KIF6: variants seen among roughly 807,000 people sequenced by gnomAD.
The protein encoded by KIF6 is kinesin-like protein KIF6.
A neutral mutation model predicts 112.7 loss-of-function variants in KIF6; 106 were observed. That is an observed-to-expected ratio of 0.94 (90% CI 0.80 to 1.11). KIF6 has a LOEUF of 1.11. KIF6 is among the 50% of genes least tolerant of loss of function. The pLI is 0.00. For synonymous variants in KIF6, 339 were observed against 339.9 expected (o/e 1.00, Z 0.03); for missense variants, 929 against 964.0 (o/e 0.96, Z 0.48).
intron 3 of KIF6, among the ~76,000 whole-genome samples, chr6:39,652,127 T>C (rs1455217366): frequency 1.3e-5 from 2 of 152,138 alleles, no homozygotes; most frequent in East Asian, 1.9e-4. Context: ...AAGGGAATAG[T>C]GTTCACAAAA....
At position 39,547,239 on chromosome 6, in the gene KIF6, G is replaced by T. The variant is rs180854952; in HGVS notation, c.1182-1551C>A. Among the ~76,000 whole-genome samples, 17 of 152,204 alleles carry T rather than the reference G, an allele frequency of 1.1e-4. No homozygotes were observed. The East Asian group carries it at 2.9e-3, about 26-fold the overall frequency. On this transcript the variant is annotated intron_variant, in intron 10 of 22. Coordinates refer to ENST00000287152, the MANE Select transcript of KIF6 (RefSeq NM_145027.6). ...TGATTTCTATCATAGAACAGCCTTG[G>T]ATTTCATTTGTACCTCTTGTAATTT...
chr6:39,488,411 G>A (rs907282858), intron 13 of KIF6, among the ~76,000 whole-genome samples: 2 of 152,182 alleles, frequency 1.3e-5, no homozygotes, highest in Admixed American at 1.3e-4. Flanking sequence ...TGGACTTGCT[G>A]TTTCTGCTTT....
intron 16 of KIF6, among the ~76,000 whole-genome samples, chr6:39,384,479 C>G (rs1009943221): frequency 6.6e-6 from 1 of 152,236 alleles, no homozygotes; most frequent in Admixed American, 6.5e-5. Flanking sequence ...TACCTGACCC[C>G]AGTCCCAGGG....
At chr6:39,526,523 A>G (rs1777737411) in intron 13 of KIF6, among the ~76,000 whole-genome samples, 1 of 152,192 alleles carries the variant, frequency 6.6e-6, no homozygotes, top group Admixed American at 6.5e-5. Flanking sequence ...CACAAAGACT[A>G]CTAGACAAAA....
intron 10 of KIF6, among the ~76,000 whole-genome samples, chr6:39,547,016 C>T (rs1779105402): frequency 6.6e-6 from 1 of 152,100 alleles, no homozygotes; most frequent in South Asian, 2.1e-4. Context: ...TGGTTCCCCT[C>T]TAGGTTGAGA....
chr6:39,635,759 A>G (rs2150760395), intron 4 of KIF6, among the ~76,000 whole-genome samples: 1 of 152,234 alleles, frequency 6.6e-6, no homozygotes, highest in Non-Finnish European at 1.5e-5. Context: ...GGAATAAAAT[A>G]AGGAATTTTT....
intron 15 of KIF6, among the ~76,000 whole-genome samples, chr6:39,389,433 T>TA (rs1767687372): frequency 6.6e-6 from 1 of 152,138 alleles, no homozygotes; most frequent in East Asian, 1.9e-4. Flanking sequence ...TACTTATCTC[T>TA]CATCTACTAT....
chr6:39,704,206 A>G (rs1485564469), intron 3 of KIF6, among the ~76,000 whole-genome samples: 1 of 152,228 alleles, frequency 6.6e-6, no homozygotes, highest in Non-Finnish European at 1.5e-5. Flanking sequence ...TTGAGCATGC[A>G]CTATGTACTT....
At chr6:39,725,116 C>A (rs1360356956) in intron 1 of KIF6, 129 bp downstream of exon 1, 6 of 654,026 alleles carry the variant, frequency 9.2e-6, no homozygotes, top group South Asian at 2.1e-5. Context: ...TCAGTGTGTG[C>A]GGGATTCCGG....
chr6:39,374,201 C>T (rs1004338118), intron 16 of KIF6, among the ~76,000 whole-genome samples: 43 of 152,240 alleles, frequency 2.8e-4, no homozygotes, highest in African/African-American at 1.0e-3. Context: ...GGATCCCTAT[C>T]TCAAACCATA....
rs548650882 is a variant in KIF6 at position 39,444,071 on chromosome 6, T to C, written c.1646-12910A>G. Among the ~76,000 whole-genome samples, 437 of 152,326 alleles carry C rather than the reference T, an allele frequency of 2.9e-3. 1 individual carries two copies. The highest frequency in any genetic ancestry group is 4.2e-3 in the Non-Finnish European group (284 of 68,040). On this transcript the variant is annotated intron_variant, in intron 13 of 22. Transcript: ENST00000287152. ...CTTTGCATATACTAGAGGCATTACATATGTTCTTATTTAATTCTTACAATA... is the reference window on the plus strand; with the variant it reads ...CTTTGCATATACTAGAGGCATTACACATGTTCTTATTTAATTCTTACAATA...
chr6:39,342,145 C>T lies in KIF6; in HGVS notation c.2428+1564G>A, dbSNP rs562022546. Among the ~76,000 whole-genome samples, 19 of 152,348 alleles carry T rather than the reference C, an allele frequency of 1.2e-4. No homozygotes were observed. Among genetic ancestry groups the T allele is most frequent in the East Asian group, 1.2e-3 (6 of 5,182 alleles). The stretch of plus-strand genomic sequence containing the variant: ...AGCAAAGCTTCCCCTTCAGGCTTCT[C>T]GCTTTCCGCTCTGTCTGCTAGGACT... On this transcript the variant is annotated intron_variant, in intron 22 of 22. Transcript: ENST00000287152. This position sits in a 1 kb window ranked among gnomAD's most constrained non-coding sequence, Gnocchi z 4.7.
chr6:39,636,326 C>G (rs1330112575), intron 4 of KIF6, among the ~76,000 whole-genome samples: 1 of 152,012 alleles, frequency 6.6e-6, no homozygotes, highest in Non-Finnish European at 1.5e-5. Flanking sequence ...TAAAAACACT[C>G]AAGCTACAGC....
At chr6:39,422,819 A>G (rs1413111987) in intron 14 of KIF6, among the ~76,000 whole-genome samples, 1 of 151,786 alleles carries the variant, frequency 6.6e-6, no homozygotes, top group East Asian at 1.9e-4. Flanking sequence ...GCTCACCTAA[A>G]CTTCACCAGG....
chr6:39,347,519 C>T (rs1048627480), intron 19 of KIF6, among the ~76,000 whole-genome samples: 4 of 152,230 alleles, frequency 2.6e-5, no homozygotes, highest in Admixed American at 6.5e-5. Flanking sequence ...ATTCCACATG[C>T]CTGTGGTTAC....
At chr6:39,522,471 A>T (rs2150527549) in intron 13 of KIF6, among the ~76,000 whole-genome samples, 1 of 151,898 alleles carries the variant, frequency 6.6e-6, no homozygotes, top group Non-Finnish European at 1.5e-5. Context: ...CCATTTAACA[A>T]CTCTAGCCTC....
At chr6:39,455,812 T>A (rs1349259346) in intron 13 of KIF6, among the ~76,000 whole-genome samples, 7 of 148,202 alleles carry the variant, frequency 4.7e-5, no homozygotes, top group Non-Finnish European at 8.9e-5. Flanking sequence ...AGAAGGGAAG[T>A]TTAGAGAAAA....
At chr6:39,456,588 G>C (rs1365075431) in intron 13 of KIF6, among the ~76,000 whole-genome samples, 1 of 122,958 alleles carries the variant, frequency 8.1e-6, no homozygotes, top group South Asian at 2.9e-4. Context: ...GTTGGATAAA[G>C]AGTCAAGACC....
intron 9 of KIF6, 84 bp downstream of exon 9, chr6:39,584,814 T>C (rs1307001997): frequency 2.0e-5 from 16 of 806,928 alleles, no homozygotes; most frequent in Admixed American, 1.8e-4. Context: ...ACATTCCCAG[T>C]ACAGAGCAAG....
Sources: allele counts gnomAD v4.1 joint callset (sites outside exome capture counted in the v4.1 genomes callset), GRCh38; gene constraint gnomAD v4.1.1; non-coding constraint Gnocchi (gnomAD v3.1); transcripts MANE v1.5; gene names NCBI Gene and HGNC (gene_info 2026-07-23, HGNC 2026-07-21).